ARL6IP6: variants seen among roughly 807,000 people sequenced by gnomAD.
ARL6IP6 encodes ADP-ribosylation factor-like protein 6-interacting protein 6.
Under a neutral mutation model 21.5 loss-of-function variants are expected in ARL6IP6, and 22 were observed. The observed-to-expected ratio is 1.02, with a 90% CI of 0.73 to 1.46. The LOEUF is 1.46. Ranked by LOEUF, ARL6IP6 falls within the 40% of genes most tolerant of loss-of-function variation. The pLI is 0.00. For synonymous variants in ARL6IP6, 164 were observed against 125.3 expected (o/e 1.31, Z -2.06); for missense variants, 388 against 299.8 (o/e 1.29, Z -2.17).
At chr2:152,746,686 A>T (rs150448285) in intron 3 of ARL6IP6, among the ~76,000 whole-genome samples, 9 of 152,306 alleles carry the variant, frequency 5.9e-5, no homozygotes, top group Admixed American at 2.6e-4. Context: ...GATACGTCAG[A>T]TGATAAAGCA....
intron 3 of ARL6IP6, among the ~76,000 whole-genome samples, chr2:152,749,113 A>T (rs908189199): frequency 2.0e-5 from 3 of 152,116 alleles, no homozygotes. Flanking sequence ...ATTCCTGAAA[A>T]ATGAAAATAA....
intron 2 of ARL6IP6, among the ~76,000 whole-genome samples, chr2:152,724,109 CAAAAAAA>C (rs546002979): frequency 1.3e-5 from 1 of 74,268 alleles, no homozygotes. Flanking sequence ...TGACTAAGGC[CAAAAAAA>C]AAAAAAAAAA....
chr2:152,734,864 C>G (rs10931263), intron 2 of ARL6IP6, 130 bp from the exon 3 acceptor site: 143,533 of 980,060 alleles, frequency 0.15, 11,728 homozygotes, highest in Admixed American at 0.25. Context: ...AAGTTCAAAT[C>G]TCTTAAAATA....
intron 3 of ARL6IP6, among the ~76,000 whole-genome samples, chr2:152,751,628 A>G (rs1231105702): frequency 1.3e-5 from 2 of 151,970 alleles, no homozygotes; most frequent in Non-Finnish European, 2.9e-5. Flanking sequence ...AGAACATGTG[A>G]TATTTATCTT....
At chr2:152,757,507 A>T (rs1390282528) in intron 3 of ARL6IP6, among the ~76,000 whole-genome samples, 1 of 152,140 alleles carries the variant, frequency 6.6e-6, no homozygotes, top group African/African-American at 2.4e-5. Context: ...TACTTGAGTC[A>T]ATTTTAAATA....
chr2:152,742,974 C>T (rs543467490), intron 3 of ARL6IP6, among the ~76,000 whole-genome samples: 3 of 152,324 alleles, frequency 2.0e-5, no homozygotes, highest in Non-Finnish European at 2.9e-5. Context: ...ACCTCCTCTG[C>T]ATTATGAAAT....
rs1285491417 is a variant in ARL6IP6, at chr2:152,761,906, C to G, written c.*2066C>G. On this transcript the variant is annotated 3_prime_UTR_variant, in exon 4 of 4. Transcript: ENST00000326446. ...TTAAGCCAAACATGACTATATATAC[C>G]TACAAGATATATATTAATATAGATA... Among the ~76,000 whole-genome samples the G allele has an allele frequency of 6.6e-6, 1 of 151,946 alleles. No individual in the cohort carries two copies. The highest frequency in any genetic ancestry group is 1.5e-5 in the Non-Finnish European group (1 of 68,010).
At chr2:152,756,153 A>G (rs1223373465) in intron 3 of ARL6IP6, among the ~76,000 whole-genome samples, 1 of 152,152 alleles carries the variant, frequency 6.6e-6, no homozygotes, top group East Asian at 1.9e-4. Context: ...TCTGTTGCTT[A>G]ATTCAAGGTC....
intron 2 of ARL6IP6, among the ~76,000 whole-genome samples, chr2:152,729,182 C>T (rs932496985): frequency 1.3e-5 from 2 of 152,128 alleles, no homozygotes; most frequent in Non-Finnish European, 2.9e-5. Flanking sequence ...CCAGCCTAGT[C>T]AAGATGGTGA....
At chr2:152,718,105 C>T (rs1699280145), upstream of ARL6IP6, 2 of 985,522 alleles carry the variant, frequency 2.0e-6, no homozygotes, top group South Asian at 9.0e-5. Context: ...AGTTAAGGAA[C>T]CGCGAGAGCG....
intron 1 of ARL6IP6, among the ~76,000 whole-genome samples, chr2:152,719,355 A>C (rs889990801): frequency 2.6e-5 from 4 of 152,342 alleles, no homozygotes; most frequent in Non-Finnish European, 2.9e-5. Context: ...AAAAGGAGAC[A>C]GTGAAAAGTG....
Position 152,746,995 on chromosome 2 carries a change from T to G in ARL6IP6, c.587+11869T>G, listed in dbSNP as rs149584138. Among the ~76,000 whole-genome samples, 154 of 151,872 alleles carry G rather than the reference T, an allele frequency of 1.0e-3. 3 individuals carry two copies. In the Middle Eastern group the frequency reaches 0.017, roughly 17 times the overall value. On this transcript the variant is annotated intron_variant, in intron 3 of 3. Coordinates refer to ENST00000326446, the MANE Select transcript of ARL6IP6 (RefSeq NM_152522.7). ...CGAGTGCTGCTATGCCTGGCTAAATTTTTTATTTTTATTTTGTAGAGATAG... is the reference window on the plus strand; with the variant it reads ...CGAGTGCTGCTATGCCTGGCTAAATGTTTTATTTTTATTTTGTAGAGATAG...
At chr2:152,738,712 C>G (rs532444924) in intron 3 of ARL6IP6, among the ~76,000 whole-genome samples, 1 of 152,256 alleles carries the variant, frequency 6.6e-6, no homozygotes, top group African/African-American at 2.4e-5. Flanking sequence ...CCATTTTTTT[C>G]TCATAGGCCT....
intron 3 of ARL6IP6, among the ~76,000 whole-genome samples, chr2:152,755,918 C>G (rs921292763): frequency 6.6e-6 from 1 of 152,128 alleles, no homozygotes; most frequent in East Asian, 1.9e-4. Flanking sequence ...TATTCAAATC[C>G]TTTGCCCTTT....
intron 2 of ARL6IP6, 137 bp downstream of exon 2, chr2:152,720,723 G>A: frequency 2.6e-6 from 2 of 765,502 alleles, no homozygotes; most frequent in East Asian, 2.6e-5. Flanking sequence ...ATTTGCATAT[G>A]TTGGTGATAA....
chr2:152,719,704 G>T (rs1699637158), intron 1 of ARL6IP6, among the ~76,000 whole-genome samples: 1 of 141,110 alleles, frequency 7.1e-6, no homozygotes. Flanking sequence ...GCAGAGTTAA[G>T]TTTAAATTTC....
At chr2:152,751,811 A>C (rs1405966747) in intron 3 of ARL6IP6, among the ~76,000 whole-genome samples, 1 of 152,108 alleles carries the variant, frequency 6.6e-6, no homozygotes, top group East Asian at 1.9e-4. Flanking sequence ...TATCTTGACT[A>C]TTGTGAATGG....
In ARL6IP6 at chr2:152,725,123, T is replaced by G. The variant is rs189844649; in HGVS notation, c.454+4537T>G. On this transcript the variant is annotated intron_variant, in intron 2 of 3. Coordinates refer to ENST00000326446, the MANE Select transcript of ARL6IP6 (RefSeq NM_152522.7). ...CATGACTTATTCTTTCTTAGGGATC[T>G]TCAAAAGAATAAAGAAAACTGAGCT... 7.2e-5 allele frequency among the ~76,000 whole-genome samples: 11 copies of G among 152,334 alleles called. No individual in the cohort carries two copies. The Middle Eastern group carries it at 0.01, about 141-fold the overall frequency.
chr2:152,725,103 CTT>C (rs911192629), intron 2 of ARL6IP6, among the ~76,000 whole-genome samples: 20 of 152,220 alleles, frequency 1.3e-4, no homozygotes, highest in African/African-American at 4.6e-4. Flanking sequence ...AATTTCATGA[CTT>C]ATTCTTTCTT....
Sources: allele counts gnomAD v4.1 joint callset (sites outside exome capture counted in the v4.1 genomes callset), GRCh38; gene constraint gnomAD v4.1.1; transcripts MANE v1.5; gene names NCBI Gene and HGNC (gene_info 2026-07-23, HGNC 2026-07-21).